Variants in MATR3 observed in about 807,000 individuals in gnomAD.
MATR3 encodes the protein matrin 3.
A neutral mutation model predicts 85.5 loss-of-function variants in MATR3; 4 were observed. That is an observed-to-expected ratio of 0.05 (90% confidence interval 0.02 to 0.11). The LOEUF is 0.11. MATR3 is among the 10% of genes least tolerant of loss of function. The pLI, the probability that MATR3 is intolerant of heterozygous loss-of-function variation, is 1.00. For missense variants in MATR3, 685 were observed against 1,016.1 expected (o/e 0.67, Z 4.43); for synonymous variants, 336 against 343.1 (o/e 0.98, Z 0.23).
At chr5:139,315,090 A>G (rs1755175053) in intron 3 of MATR3, 1 of 225,986 alleles carries the variant, frequency 4.4e-6, no homozygotes, top group Admixed American at 5.1e-5. Context: ...AGATACGGAA[A>G]AGAGGGTAGG....
chr5:139,325,407 G>A (rs751446311), intron 12 of MATR3, 33 bp from the exon 13 acceptor site: 1 of 1,614,008 alleles, frequency 6.2e-7, no homozygotes, highest in South Asian at 1.1e-5. Flanking sequence ...TAAATCTGGT[G>A]ACAAAAATGA....
chr5:139,316,542 G>T (rs1755254039), intron 5 of MATR3, among the ~76,000 whole-genome samples: 1 of 152,000 alleles, frequency 6.6e-6, no homozygotes, highest in African/African-American at 2.4e-5. Flanking sequence ...ACTGTGCCAG[G>T]CCGCAAATTT....
chr5:139,291,938 C>CA (rs1753884255), upstream of MATR3: 1 of 79,796 alleles, frequency 1.3e-5, no homozygotes, highest in South Asian at 5.9e-4. Flanking sequence ...ATTACATAAC[C>CA]TTTTTTTTTT....
At position 139,320,914 on chromosome 5, in the gene MATR3, ATT is replaced by A. The variant is rs5871694; in HGVS notation, c.1603-966_1603-965del. ...AGGCACCCGCCACCACGCCTGGCTA[ATT>A]TTTTTTTTTTTTTTTTTGTATTTTT... On this transcript the variant is annotated intron_variant, in intron 9 of 14. Transcript: ENST00000394805. 2.6e-3 allele frequency among the ~76,000 whole-genome samples: 303 copies of A among 118,192 alleles called. 3 individuals are homozygous for A. The highest frequency in any genetic ancestry group is 4.6e-3 in the Admixed American group (54 of 11,640). 77.5% of individuals were successfully genotyped at this position (118,192 alleles called of 152,430 possible). A position where few individuals can be genotyped will look rare whatever the true frequency, so the allele number is the denominator to read the frequency against.
chr5:139,286,937 C>A (rs892648585), intron 3 of MATR3, among the ~76,000 whole-genome samples: 1 of 151,772 alleles, frequency 6.6e-6, no homozygotes, highest in Admixed American at 6.6e-5. Context: ...GACTCCTGAG[C>A]TCCATGAGAG....
chr5:139,316,010 T>C (rs561565603), intron 4 of MATR3, 66 bp from the exon 5 acceptor site: 1 of 1,242,390 alleles, frequency 8.0e-7, no homozygotes, highest in Non-Finnish European at 1.2e-6. Flanking sequence ...GCTTTAACAT[T>C]TAATCTTAAT....
intron 14 of MATR3, among the ~76,000 whole-genome samples, chr5:139,328,624 T>C (rs1370060501): frequency 6.6e-6 from 1 of 152,180 alleles, no homozygotes; most frequent in Non-Finnish European, 1.5e-5. Context: ...ATTGAGTAGT[T>C]GTAACAAAGA....
chr5:139,276,354 G>T, intron 2 of MATR3: 1 of 388,696 alleles, frequency 2.6e-6, no homozygotes, highest in Non-Finnish European at 5.2e-6. Context: ...GTGTTTTTTG[G>T]CTTCCCTGGG....
chr5:139,324,107 A>G (rs1755716821), intron 12 of MATR3, among the ~76,000 whole-genome samples: 1 of 152,134 alleles, frequency 6.6e-6, no homozygotes, highest in Admixed American at 6.5e-5. Context: ...ATTTAATGCC[A>G]TACGTTTTTC....
intron 2 of MATR3, among the ~76,000 whole-genome samples, chr5:139,277,030 G>A (rs1482485200): frequency 6.6e-6 from 1 of 152,138 alleles, no homozygotes; most frequent in African/African-American, 2.4e-5. Flanking sequence ...AACAGTTGTT[G>A]CCCCATTAAA....
intron 9 of MATR3, among the ~76,000 whole-genome samples, chr5:139,320,090 C>T (rs1431509675): frequency 5.3e-5 from 8 of 151,222 alleles, no homozygotes; most frequent in East Asian, 3.9e-4. Context: ...AGGCAGATCA[C>T]GAGGTCAGGA....
chr5:139,290,395 A>G (rs1045933820), upstream of MATR3, among the ~76,000 whole-genome samples: 9 of 143,332 alleles, frequency 6.3e-5, no homozygotes, highest in Non-Finnish European at 8.9e-5. Context: ...TCTGCCTCCC[A>G]AAATTCTGTG....
At position 139,317,614 on chromosome 5, in the gene MATR3, C is replaced by A; in HGVS notation, c.1201C>A (p.His401Asn). 1.2e-6 allele frequency: 2 copies of A among 1,611,682 alleles called. No homozygotes were observed. The highest frequency in any genetic ancestry group is 2.2e-5 in the South Asian group (2 of 90,950). ...TGGATAGGAAACTAGCAGAGTTGTTCACATCATGGATTTTCAACGAGGGAA... is the reference window on the plus strand; with the variant it reads ...TGGATAGGAAACTAGCAGAGTTGTTAACATCATGGATTTTCAACGAGGGAA... ...KGRVETSRVV[H>N]IMDFQRGKNL... The change falls in exon 7 of 15, where the codon CAC (histidine) becomes AAC (asparagine). Residue 401 changes from histidine to asparagine, a missense_variant. Physicochemically the swap from His to Asn is moderately conservative, Grantham distance 68. Coordinates refer to ENST00000394805, the MANE Select transcript of MATR3 (RefSeq NM_018834.6).
At chr5:139,317,367 A>T (rs190186637) in intron 6 of MATR3, among the ~76,000 whole-genome samples, 15 of 152,310 alleles carry the variant, frequency 9.8e-5, no homozygotes, top group African/African-American at 3.4e-4. Flanking sequence ...AAAAATCACT[A>T]CAGAGAGTAT....
intron 1 of MATR3, among the ~76,000 whole-genome samples, chr5:139,300,612 CTA>C (rs1754389258): frequency 6.6e-6 from 1 of 152,142 alleles, no homozygotes; most frequent in Non-Finnish European, 1.5e-5. Flanking sequence ...GAGATGATTA[CTA>C]CGGTGCTGTG....
rs930640941 is a variant in MATR3 at position 139,327,611 on chromosome 5, G to A, written c.2493+1327G>A. On this transcript the variant is annotated intron_variant, in intron 14 of 14. Transcript: ENST00000394805. ...TAATTTTGTATTTTTAGTGGAAATG[G>A]GGTTTCTCCATGTTGGTCAGACTGG... Among the ~76,000 whole-genome samples, 7 of 152,040 alleles carry A rather than the reference G, an allele frequency of 4.6e-5. No individual in the cohort carries two copies. In the East Asian group the frequency reaches 1.4e-3, roughly 29 times the overall value.
chr5:139,325,035 CA>C (rs1196237090), intron 12 of MATR3, among the ~76,000 whole-genome samples: 16 of 151,492 alleles, frequency 1.1e-4, no homozygotes, highest in African/African-American at 3.6e-4. Context: ...ACTAAAATTA[CA>C]AAAAAAATTA....
chr5:139,319,155 A>G (rs1430990686), intron 8 of MATR3, 122 bp downstream of exon 8: 2 of 1,311,592 alleles, frequency 1.5e-6, no homozygotes, highest in African/African-American at 2.9e-5. Context: ...TAATCCCAGC[A>G]CCTTGGGAGG....
chr5:139,282,308 A>G lies in MATR3; in HGVS notation c.-178+3179A>G, dbSNP rs111328449. Among the ~76,000 whole-genome samples, 1,021 of 152,316 alleles carry G rather than the reference A, an allele frequency of 6.7e-3. 7 individuals are homozygous for G. The highest frequency in any genetic ancestry group is 0.023 in the African/African-American group (961 of 41,560). On this transcript the variant is annotated intron_variant, in intron 3 of 16. Coordinates refer to ENST00000509990, the Ensembl canonical transcript of MATR3. Reference sequence around the variant, plus strand: ...TCTGCTTAGCAACATCTTTCTCCTTAATGCTATTTAGGAACACTTGTAATG... The same window carrying G: ...TCTGCTTAGCAACATCTTTCTCCTTGATGCTATTTAGGAACACTTGTAATG...
Sources: allele counts gnomAD v4.1 joint callset (sites outside exome capture counted in the v4.1 genomes callset), GRCh38; gene constraint gnomAD v4.1.1; transcripts MANE v1.5; gene names NCBI Gene and HGNC (gene_info 2026-07-23, HGNC 2026-07-21).